OPCML: variants seen among roughly 807,000 people sequenced by gnomAD.
The protein encoded by OPCML is opioid binding protein/cell adhesion molecule like, also known as opioid-binding protein/cell adhesion molecule.
A neutral mutation model predicts 37.8 loss-of-function variants in OPCML; 13 were observed. That is an observed-to-expected ratio of 0.34 (90% CI 0.22 to 0.55). OPCML has a LOEUF of 0.55. OPCML is among the 20% of genes least tolerant of loss of function. The pLI is 0.91. For missense variants in OPCML, 341 were observed against 435.6 expected, an observed-to-expected ratio of 0.78 and a Z score of 1.93; for synonymous variants, 176 against 168.8, an observed-to-expected ratio of 1.04 and a Z score of -0.33.
intron 1 of OPCML, among the ~76,000 whole-genome samples, chr11:133,081,184 A>G (rs1948710904): frequency 6.6e-6 from 1 of 151,998 alleles, no homozygotes; most frequent in Non-Finnish European, 1.5e-5. Context: ...TGGAGAGGGG[A>G]GGTATACCCA....
chr11:133,463,286 T>C (rs1281707827), intron 1 of OPCML, among the ~76,000 whole-genome samples: 1 of 151,474 alleles, frequency 6.6e-6, no homozygotes, highest in Non-Finnish European at 1.5e-5. Context: ...GGGTACAGAG[T>C]TTCAGTTTGG....
At chr11:132,648,303 G>A (rs1941257137) in intron 3 of OPCML, among the ~76,000 whole-genome samples, 1 of 152,068 alleles carries the variant, frequency 6.6e-6, no homozygotes, top group African/African-American at 2.4e-5. Context: ...AGGAACGTGT[G>A]GGAAAAGACC....
chr11:132,640,536 T>C (rs1391400258), intron 3 of OPCML, among the ~76,000 whole-genome samples: 3 of 152,158 alleles, frequency 2.0e-5, no homozygotes, highest in African/African-American at 7.2e-5. Context: ...ATGAAATACT[T>C]ATTGATTACT....
intron 4 of OPCML, among the ~76,000 whole-genome samples, chr11:132,487,060 A>T (rs918625855): frequency 6.6e-6 from 1 of 152,206 alleles, no homozygotes; most frequent in Non-Finnish European, 1.5e-5. Context: ...TTTGCCATAA[A>T]CCAAAACATT....
intron 1 of OPCML, among the ~76,000 whole-genome samples, chr11:133,139,401 C>T (rs1949736324): frequency 6.6e-6 from 1 of 152,182 alleles, no homozygotes; most frequent in Admixed American, 6.5e-5. Context: ...CCCCACTTTA[C>T]AGGTGAAAAA....
rs114011088 is a variant in OPCML at position 132,634,320 on chromosome 11, A to C, written c.379+22767T>G. On this transcript the variant is annotated intron_variant, in intron 3 of 7. Transcript: ENST00000524381. ...AATAGCTATTGAGTATGTAAGCAAC[A>C]ATGTCTGCCATGATTACACCTAAAA... Among the ~76,000 whole-genome samples, 718 of 152,318 alleles carry C rather than the reference A, an allele frequency of 4.7e-3. 7 individuals carry two copies. The highest frequency in any genetic ancestry group is 0.016 in the African/African-American group (678 of 41,572).
rs889962618 is a variant in OPCML, at chr11:133,095,048, A to G, written c.62-152038T>C. Among the ~76,000 whole-genome samples, 18 of 151,954 alleles carry G rather than the reference A, an allele frequency of 1.2e-4. 1 individual carries two copies. Among genetic ancestry groups the G allele is most frequent in the Admixed American group, 1.1e-3 (17 of 15,256 alleles). On this transcript the variant is annotated intron_variant, in intron 1 of 7. Transcript: ENST00000524381. ...TGCATTATATTCCCAAGGGGAAATC[A>G]AGAGTGTCGAGAGATACTGGAGCTC...
chr11:132,989,317 C>T (rs569585644), intron 1 of OPCML, among the ~76,000 whole-genome samples: 10 of 152,250 alleles, frequency 6.6e-5, no homozygotes, highest in Admixed American at 5.9e-4. Flanking sequence ...AAATGAACCA[C>T]AGCACTACAG....
rs781438971 is a variant in OPCML at position 133,127,499 on chromosome 11, G to A, written c.62-184489C>T. On this transcript the variant is annotated intron_variant, in intron 1 of 7. Transcript: ENST00000524381. Reference sequence around the variant, plus strand: ...AATACAAAAATTAGCCAGGCATGGTGATGCATGTCTGTAGTCCCAGCTACT... The same window carrying A: ...AATACAAAAATTAGCCAGGCATGGTAATGCATGTCTGTAGTCCCAGCTACT... Among the ~76,000 whole-genome samples, 4 of 152,012 alleles carry A rather than the reference G, an allele frequency of 2.6e-5. No individual in the cohort carries two copies. In the South Asian group the frequency reaches 8.3e-4, roughly 32 times the overall value.
chr11:133,445,850 A>G lies in OPCML; in HGVS notation c.61+86414T>C, dbSNP rs1324960293. On this transcript the variant is annotated intron_variant, in intron 1 of 7. Transcript: ENST00000524381. ...AGAAACAAGCAGGGATTTAAATGCA[A>G]TGTTGGTGGAAGATATAAAGTTGAT... Among the ~76,000 whole-genome samples the G allele has an allele frequency of 2.6e-5, 4 of 152,158 alleles. No homozygotes were observed. In the East Asian group the frequency reaches 5.8e-4, roughly 22 times the overall value.
intron 3 of OPCML, among the ~76,000 whole-genome samples, chr11:132,602,155 G>A (rs141756007): frequency 5.3e-5 from 8 of 152,222 alleles, no homozygotes; most frequent in African/African-American, 1.9e-4. Flanking sequence ...ACAGATGTCA[G>A]ATTTCCACAG....
intron 4 of OPCML, among the ~76,000 whole-genome samples, chr11:132,458,867 G>A (rs1032109910): frequency 1.3e-5 from 2 of 152,150 alleles, no homozygotes; most frequent in Admixed American, 6.5e-5. Context: ...TGAAGAAAAT[G>A]TAGCCTCCCT....
At chr11:133,035,606 C>T (rs986904440) in intron 1 of OPCML, among the ~76,000 whole-genome samples, 1 of 152,176 alleles carries the variant, frequency 6.6e-6, no homozygotes. Context: ...ATTTCTCTTT[C>T]ACGCCCTATT....
At chr11:133,253,145 CAA>C (rs549441502) in intron 1 of OPCML, among the ~76,000 whole-genome samples, 21 of 99,162 alleles carry the variant, frequency 2.1e-4, no homozygotes, top group African/African-American at 3.3e-4. Context: ...GACTCTGTCT[CAA>C]AAAAAAAAAA....
intron 2 of OPCML, among the ~76,000 whole-genome samples, chr11:132,799,636 T>C (rs945811876): frequency 6.6e-6 from 1 of 151,928 alleles, no homozygotes; most frequent in African/African-American, 2.4e-5. Context: ...GAATTAATAA[T>C]ATGTGGCACC....
intron 2 of OPCML, among the ~76,000 whole-genome samples, chr11:132,789,351 T>G (rs1171225014): frequency 2.0e-5 from 3 of 152,130 alleles, no homozygotes; most frequent in Non-Finnish European, 2.9e-5. Context: ...AACAGAAAGT[T>G]ATAACATGAA....
chr11:132,625,522 TTCATCCCCTCAGAA>T (rs1939687089), intron 3 of OPCML, among the ~76,000 whole-genome samples: 1 of 152,310 alleles, frequency 6.6e-6, no homozygotes, highest in East Asian at 1.9e-4. Flanking sequence ...AACAGCTCTG[TTCATCCCCTCAGAA>T]TGCAGATTAG....
intron 2 of OPCML, among the ~76,000 whole-genome samples, chr11:132,794,981 G>A (rs865887191): frequency 3.3e-5 from 5 of 151,164 alleles, no homozygotes; most frequent in Middle Eastern, 3.5e-3. Context: ...TCCCATAAAT[G>A]TATAGAAAAA....
At chr11:132,472,120 C>G (rs1458000231) in intron 4 of OPCML, among the ~76,000 whole-genome samples, 1 of 152,160 alleles carries the variant, frequency 6.6e-6, no homozygotes, top group African/African-American at 2.4e-5. Context: ...ATGTAATAAC[C>G]AACATACATA....
Sources: allele counts gnomAD v4.1 joint callset (sites outside exome capture counted in the v4.1 genomes callset), GRCh38; gene constraint gnomAD v4.1.1; transcripts MANE v1.5; gene names NCBI Gene and HGNC (gene_info 2026-07-23, HGNC 2026-07-21).